KIAA1958: variants seen among roughly 807,000 people sequenced by gnomAD.
KIAA1958 encodes the protein KIAA1958, also known as uncharacterized protein KIAA1958.
Under a neutral mutation model 47.2 loss-of-function variants are expected in KIAA1958, and 14 were observed. That is an observed-to-expected ratio of 0.30 (90% CI 0.20 to 0.46). KIAA1958 has a LOEUF of 0.46. Among genes scored for constraint, KIAA1958 ranks in the 20% least tolerant of loss-of-function variants. The probability of loss-of-function intolerance (pLI) is 1.00; values close to 1 mark genes in which losing one functional copy is unlikely to be tolerated. For synonymous variants in KIAA1958, 354 were observed against 353.3 expected (o/e 1.00, Z -0.02); for missense variants, 803 against 909.2 (o/e 0.88, Z 1.50).
chr9:112,522,057 C>T (rs1424244789), intron 1 of KIAA1958, among the ~76,000 whole-genome samples: 1 of 151,940 alleles, frequency 6.6e-6, no homozygotes, highest in Non-Finnish European at 1.5e-5. Context: ...CTGCAACCTC[C>T]GCCTCCCAGG....
chr9:112,632,623 T>A (rs1252353541), intron 2 of KIAA1958, among the ~76,000 whole-genome samples: 1 of 152,174 alleles, frequency 6.6e-6, no homozygotes, highest in East Asian at 1.9e-4. Context: ...TTGTTATTTG[T>A]ATTTGTTCTG....
rs145175504 is a variant in KIAA1958, at chr9:112,534,201, A to C, written c.-24-39856A>C. Among the ~76,000 whole-genome samples the C allele has an allele frequency of 5.6e-4, 86 of 152,312 alleles. 1 individual carries two copies. The highest frequency in any genetic ancestry group is 2.1e-3 in the African/African-American group (86 of 41,566). The stretch of plus-strand genomic sequence containing the variant: ...AGCTCATAGTAAGAGATTATTATAC[A>C]TGTCTCAAGATTACTGTTCAGAAAG... On this transcript the variant is annotated intron_variant, in intron 1 of 3. Transcript: ENST00000337530.
chr9:112,507,732 C>T (rs1834255184), intron 1 of KIAA1958, among the ~76,000 whole-genome samples: 1 of 152,098 alleles, frequency 6.6e-6, no homozygotes, highest in Admixed American at 6.6e-5. Flanking sequence ...CAAAGTATAA[C>T]CCTAAAATGC....
intron 2 of KIAA1958, among the ~76,000 whole-genome samples, chr9:112,575,973 T>C (rs1010387751): frequency 1.3e-5 from 2 of 152,210 alleles, no homozygotes; most frequent in Non-Finnish European, 2.9e-5. Context: ...TTGGATCTCA[T>C]GCTTTGGCTT....
intron 2 of KIAA1958, among the ~76,000 whole-genome samples, chr9:112,603,980 T>A (rs1836180763): frequency 1.3e-5 from 2 of 152,236 alleles, no homozygotes; most frequent in South Asian, 4.1e-4. Context: ...AATAGTCTTC[T>A]CTTAAATGAA....
rs10981449 is a variant in KIAA1958 at position 112,574,056 on chromosome 9, G to A, written c.-24-1G>A. The A allele has an allele frequency of 6.9e-7, 1 of 1,443,800 alleles. No individual in the cohort carries two copies. The highest frequency in any genetic ancestry group is 9.5e-7 in the Non-Finnish European group (1 of 1,056,558). The allele number at this position is 1,443,800 out of a possible 1,614,324, so 89.4% of individuals were successfully genotyped here. ...TTCTTCTTTTGATTATTTCCCTTTA[G>A]GAGTGACACTGCTGATCCTGTAACA... On this transcript the variant is annotated splice_acceptor_variant, in intron 1 of 3. Transcript: ENST00000337530. LOFTEE classifies it low-confidence loss of function (5UTR_SPLICE).
chr9:112,531,027 G>T (rs141453149), intron 1 of KIAA1958, among the ~76,000 whole-genome samples: 1 of 152,130 alleles, frequency 6.6e-6, no homozygotes, highest in East Asian at 1.9e-4. Flanking sequence ...ATGTGATTGC[G>T]CAACAACATA....
At chr9:112,539,070 A>G (rs1430409821) in intron 1 of KIAA1958, among the ~76,000 whole-genome samples, 1 of 152,224 alleles carries the variant, frequency 6.6e-6, no homozygotes, top group Non-Finnish European at 1.5e-5. Context: ...ATGTAGAGAA[A>G]TTGGAACTCT....
intron 1 of KIAA1958, among the ~76,000 whole-genome samples, chr9:112,563,085 C>CTATATATATATATA (rs374741842): frequency 7.6e-6 from 1 of 131,542 alleles, no homozygotes; most frequent in Non-Finnish European, 1.6e-5. Context: ...CTCTCTCTCT[C>CTATATATATATATA]TATATATATA....
At chr9:112,543,047 A>G (rs1834969520) in intron 1 of KIAA1958, among the ~76,000 whole-genome samples, 2 of 152,302 alleles carry the variant, frequency 1.3e-5, no homozygotes, top group Middle Eastern at 3.4e-3. Context: ...TTGGTATTTC[A>G]GAAAAGAAAT....
At chr9:112,659,019 C>CAAAAAAAAAAAAAA (rs560013892) in intron 3 of KIAA1958, among the ~76,000 whole-genome samples, 2 of 57,758 alleles carry the variant, frequency 3.5e-5, no homozygotes, top group Non-Finnish European at 6.8e-5. Context: ...GACTCTGACT[C>CAAAAAAAAAAAAAA]AAAAAAAAAA....
chr9:112,604,830 T>C (rs1030933928), intron 2 of KIAA1958, among the ~76,000 whole-genome samples: 1 of 150,976 alleles, frequency 6.6e-6, no homozygotes, highest in South Asian at 2.1e-4. Context: ...CTGAGTACTC[T>C]GGATTCACAG....
At chr9:112,525,344 C>T (rs2132802232) in intron 1 of KIAA1958, among the ~76,000 whole-genome samples, 1 of 152,324 alleles carries the variant, frequency 6.6e-6, no homozygotes, top group South Asian at 2.1e-4. Context: ...TTCTCAGTCA[C>T]CCTTACCCAT....
At chr9:112,537,128 C>CA (rs920429028) in intron 1 of KIAA1958, among the ~76,000 whole-genome samples, 8 of 145,244 alleles carry the variant, frequency 5.5e-5, no homozygotes, top group Admixed American at 4.2e-4. Context: ...TTTTTTTTGA[C>CA]AGAGTCTCCC....
At chr9:112,533,057 T>TC (rs1369285882) in intron 1 of KIAA1958, among the ~76,000 whole-genome samples, 2 of 151,990 alleles carry the variant, frequency 1.3e-5, no homozygotes, top group Non-Finnish European at 2.9e-5. Context: ...CTTACCTTCC[T>TC]CCCCCCAAAT....
At position 112,667,134 on chromosome 9, in the gene KIAA1958, A is replaced by T. The variant is rs1837360546; in HGVS notation, c.*7065A>T. The T allele has an allele frequency of 6.6e-6, 1 of 152,226 alleles. No homozygotes were observed. The highest frequency in any genetic ancestry group is 2.4e-5 in the African/African-American group (1 of 41,458). 9.4% of individuals were successfully genotyped at this position (152,226 alleles called of 1,614,324 possible). ...GCTTCAATAGAAAAGTAAACTAGAA[A>T]TTGGACTTGGAAATATGTTCATCAC... On this transcript the variant is annotated 3_prime_UTR_variant, in exon 4 of 4. Transcript: ENST00000337530.
chr9:112,607,682 C>T (rs1588037604), intron 2 of KIAA1958, among the ~76,000 whole-genome samples: 1 of 141,948 alleles, frequency 7.0e-6, no homozygotes, highest in Admixed American at 7.7e-5. Flanking sequence ...ATGATCAGCA[C>T]TGAGACATTT....
intron 3 of KIAA1958, among the ~76,000 whole-genome samples, chr9:112,657,104 C>CT (rs144431194): frequency 0.078 from 11,721 of 150,804 alleles, 576 homozygotes; most frequent in Non-Finnish European, 0.11. Flanking sequence ...TTCACTCTCC[C>CT]TTTTTTTTTG....
Position 112,507,768 on chromosome 9 carries a change from CTCTT to C in KIAA1958, c.-25+20668_-25+20671del, listed in dbSNP as rs764724203. Among the ~76,000 whole-genome samples, 684 of 152,236 alleles carry C rather than the reference CTCTT, an allele frequency of 4.5e-3. 1 individual carries two copies. The highest frequency in any genetic ancestry group is 9.8e-3 in the African/African-American group (407 of 41,532). ...TGTATCTGTTTTTCTTTCTCTCTCT[CTCTT>C]TCTTTCTTTCTTTCTTTTTCTTTCT... On this transcript the variant is annotated intron_variant, in intron 1 of 3. Coordinates refer to ENST00000337530, the MANE Select transcript of KIAA1958 (RefSeq NM_133465.4).
Sources: gnomAD v4.1 joint callset for allele counts (sites outside exome capture counted in the v4.1 genomes callset) on GRCh38, gnomAD v4.1.1 for gene constraint, MANE v1.5 for transcripts, NCBI Gene and HGNC (gene_info 2026-07-23, HGNC 2026-07-21) for gene names.